The following SLC44A1 variants were observed in gnomAD, a reference collection of about 807,000 sequenced individuals.
The protein encoded by SLC44A1 is solute carrier family 44 member 1, also known as choline transporter-like protein 1.
A neutral mutation model predicts 79.3 loss-of-function variants in SLC44A1; 26 were observed. The observed-to-expected ratio is 0.33, with a 90% CI of 0.24 to 0.46. The LOEUF is 0.46. Ranked by LOEUF, SLC44A1 falls within the 20% of genes least tolerant of loss-of-function variation. SLC44A1 has a pLI of 1.00. For synonymous variants in SLC44A1, 263 were observed against 286.2 expected (o/e 0.92, Z 0.82); for missense variants, 688 against 798.1 (o/e 0.86, Z 1.66).
intron 4 of SLC44A1, among the ~76,000 whole-genome samples, chr9:105,341,643 G>A (rs1330392280): frequency 6.6e-6 from 1 of 152,122 alleles, no homozygotes; most frequent in African/African-American, 2.4e-5. Context: ...AGAGGCTCAC[G>A]CAGTAGATAA....
At chr9:105,425,816 C>T (rs554131324) in intron 15 of SLC44A1, among the ~76,000 whole-genome samples, 61 of 152,216 alleles carry the variant, frequency 4.0e-4, no homozygotes, top group South Asian at 2.5e-3. Context: ...GAGCAAGACT[C>T]TGTCAAAAAA....
chr9:105,376,928 C>T (rs1828309550), intron 13 of SLC44A1, among the ~76,000 whole-genome samples: 1 of 152,090 alleles, frequency 6.6e-6, no homozygotes, highest in African/African-American at 2.4e-5. Context: ...AGAATGTGGC[C>T]GTTCAAACTC....
At chr9:105,247,880 T>C (rs1829495454) in intron 1 of SLC44A1, among the ~76,000 whole-genome samples, 1 of 152,224 alleles carries the variant, frequency 6.6e-6, no homozygotes, top group Non-Finnish European at 1.5e-5. Flanking sequence ...TTTGCCAAGC[T>C]GTCCTCTTCT....
chr9:105,430,705 G>A (rs28456113), intron 15 of SLC44A1, among the ~76,000 whole-genome samples: 6,247 of 152,054 alleles, frequency 0.041, 411 homozygotes, highest in African/African-American at 0.14. Context: ...GCACCTTTTC[G>A]CTATTCTGAA....
In SLC44A1 at chr9:105,244,814, G is replaced by T. The variant is rs1389439984; in HGVS notation, c.-55G>T. 19 of 1,077,450 alleles carry T rather than the reference G, an allele frequency of 1.8e-5. No individual in the cohort carries two copies. Among genetic ancestry groups the T allele is most frequent in the Non-Finnish European group, 2.2e-5 (19 of 881,740 alleles). 66.7% of individuals were successfully genotyped at this position (1,077,450 alleles called of 1,614,324 possible). On this transcript the variant is annotated 5_prime_UTR_variant, in exon 1 of 16. Coordinates refer to ENST00000374720, the MANE Select transcript of SLC44A1 (RefSeq NM_080546.5). Reference sequence around the variant, plus strand: ...CGCCCGCCGGCTCGCATGCCGAGGGGCTCCGGGGCGTAGCTGCGCGCCCGG... The same window carrying T: ...CGCCCGCCGGCTCGCATGCCGAGGGTCTCCGGGGCGTAGCTGCGCGCCCGG...
At chr9:105,266,625 A>G (rs1046934594) in intron 1 of SLC44A1, among the ~76,000 whole-genome samples, 6 of 152,066 alleles carry the variant, frequency 3.9e-5, no homozygotes, top group African/African-American at 1.4e-4. Flanking sequence ...ATATGTGTGG[A>G]TCTATTTCAG....
At chr9:105,275,445 C>T (rs1830176974) in intron 1 of SLC44A1, among the ~76,000 whole-genome samples, 1 of 152,146 alleles carries the variant, frequency 6.6e-6, no homozygotes, top group Admixed American at 6.5e-5. Flanking sequence ...GAATTTTGTT[C>T]ATGAAAATGT....
intron 1 of SLC44A1, among the ~76,000 whole-genome samples, chr9:105,265,993 TG>T (rs1829953441): frequency 1.3e-5 from 2 of 152,174 alleles, no homozygotes; most frequent in Non-Finnish European, 2.9e-5. Flanking sequence ...GGTCTAACTC[TG>T]TCACCCAGGC....
At position 105,413,362 on chromosome 9, in the gene SLC44A1, A is replaced by G. The variant is rs76169683; in HGVS notation, c.1951-24919A>G. 7.0e-3 allele frequency among the ~76,000 whole-genome samples: 1,072 copies of G among 152,356 alleles called. 12 individuals are homozygous for G. The highest frequency in any genetic ancestry group is 0.024 in the African/African-American group (1,003 of 41,578). On this transcript the variant is annotated intron_variant, in intron 15 of 15. Transcript: ENST00000374724. ...TTCTGCCCAATGAGATATAAGCTGA[A>G]GAATACTGGCAATTTCCAAGAAAAT...
intron 4 of SLC44A1, 61 bp from the exon 5 acceptor site, chr9:105,348,297 T>A: frequency 1.2e-6 from 1 of 849,314 alleles, no homozygotes; most frequent in South Asian, 1.5e-5. Flanking sequence ...AAAATTAAAA[T>A]GAATAGTAAG....
rs541738139 is a variant in SLC44A1, at chr9:105,395,507, C to G, written c.*6451C>G. 409 of 984,886 alleles carry G rather than the reference C, an allele frequency of 4.2e-4. 3 individuals are homozygous for G. In the African/African-American group the frequency reaches 6.6e-3, roughly 16 times the overall value. The allele number at this position is 984,886 out of a possible 1,614,324, so 61.0% of individuals were successfully genotyped here. A position where few individuals can be genotyped will look rare whatever the true frequency, so the allele number is the denominator to read the frequency against. On this transcript the variant is annotated 3_prime_UTR_variant, in exon 16 of 16. Coordinates refer to ENST00000374720, the MANE Select transcript of SLC44A1 (RefSeq NM_080546.5). ...GTGCTGGGATTACAGGCATGAGCCA[C>G]CGCGCCCGGCCTAGAAGAGTTTTAA...
At chr9:105,363,355 G>T (rs1827841541) in intron 9 of SLC44A1, among the ~76,000 whole-genome samples, 1 of 151,856 alleles carries the variant, frequency 6.6e-6, no homozygotes, top group Admixed American at 6.6e-5. Context: ...TAGAGACAGG[G>T]TTTCACCATA....
chr9:105,415,799 T>C (rs1022879451), intron 15 of SLC44A1, among the ~76,000 whole-genome samples: 1 of 152,176 alleles, frequency 6.6e-6, no homozygotes, highest in Non-Finnish European at 1.5e-5. Flanking sequence ...AATATTGTCC[T>C]TCGATTATCT....
intron 3 of SLC44A1, among the ~76,000 whole-genome samples, chr9:105,326,832 C>A (rs891259584): frequency 1.3e-5 from 2 of 152,176 alleles, no homozygotes; most frequent in African/African-American, 4.8e-5. Flanking sequence ...TGTCGCCTGT[C>A]CAGATTTCTC....
At chr9:105,434,383 G>GA (rs775234347) in intron 15 of SLC44A1, among the ~76,000 whole-genome samples, 3 of 151,956 alleles carry the variant, frequency 2.0e-5, no homozygotes, top group Non-Finnish European at 4.4e-5. Context: ...AAAAGAGGAA[G>GA]ATTCAGAGAA....
At chr9:105,340,314 T>TCCA (rs1376228455) in intron 4 of SLC44A1, among the ~76,000 whole-genome samples, 1 of 152,196 alleles carries the variant, frequency 6.6e-6, no homozygotes, top group Non-Finnish European at 1.5e-5. Flanking sequence ...ACTGTATGAT[T>TCCA]CCACCCTGGA....
At chr9:105,348,604 A>G (rs1374818614) in intron 5 of SLC44A1, among the ~76,000 whole-genome samples, 153 bp downstream of exon 5, 1 of 152,134 alleles carries the variant, frequency 6.6e-6, no homozygotes, top group Non-Finnish European at 1.5e-5. Context: ...AATAGAAATG[A>G]CATTATATAT....
At chr9:105,261,718 G>A (rs1370970812) in intron 1 of SLC44A1, among the ~76,000 whole-genome samples, 4 of 151,920 alleles carry the variant, frequency 2.6e-5, no homozygotes, top group Non-Finnish European at 4.4e-5. Context: ...ATGCTACGGA[G>A]GGGTGTAGCT....
rs532614655 is a variant in SLC44A1, at chr9:105,414,778, A to G, written c.1951-23503A>G. On this transcript the variant is annotated intron_variant, in intron 15 of 15. Transcript: ENST00000374724. ...CACCTGTGAATAGCCACTGCACTCC[A>G]GCCTGGGCAACATGGCGAGACCCTG... Among the ~76,000 whole-genome samples the G allele has an allele frequency of 3.3e-5, 5 of 152,232 alleles. No homozygotes were observed. In the South Asian group the frequency reaches 1.0e-3, roughly 32 times the overall value.
Sources: gnomAD v4.1 joint callset for allele counts (sites outside exome capture counted in the v4.1 genomes callset) on GRCh38, gnomAD v4.1.1 for gene constraint, MANE v1.5 for transcripts, NCBI Gene and HGNC (gene_info 2026-07-23, HGNC 2026-07-21) for gene names.